The following UNC13C variants were observed in gnomAD, a reference collection of about 807,000 sequenced individuals.
UNC13C encodes unc-13 homolog C.
UNC13C carries 174 observed loss-of-function variants against 245.4 expected under a neutral mutation model. The observed-to-expected ratio is 0.71, with a 90% CI of 0.63 to 0.80. UNC13C has a LOEUF of 0.80. Ranked by LOEUF, UNC13C falls within the 30% of genes least tolerant of loss-of-function variation. The probability of loss-of-function intolerance (pLI) is 0.00; values close to 1 mark genes in which losing one functional copy is unlikely to be tolerated. For synonymous variants in UNC13C, 992 were observed against 895.1 expected (o/e 1.11, Z -1.93); for missense variants, 2,829 against 2,602.9 (o/e 1.09, Z -1.89).
At chr15:54,142,893 ACT>A in intron 2 of UNC13C, 123 bp from the exon 3 acceptor site, 1 of 848,122 alleles carries the variant, frequency 1.2e-6, no homozygotes, top group East Asian at 2.5e-5. Flanking sequence ...CAACCTTGAA[ACT>A]CTGTTTATTT....
the UNC13C span, chr15:53,948,021 C>T: frequency 4.6e-5 from 7 of 152,178 alleles, no homozygotes; most frequent in South Asian, 2.1e-4. Context: ...GATTCAGTAG[C>T]GCAATTAGGT....
intron 30 of UNC13C, among the ~76,000 whole-genome samples, chr15:54,618,700 A>G (rs1566942899): frequency 6.6e-6 from 1 of 152,176 alleles, no homozygotes; most frequent in African/African-American, 2.4e-5. Context: ...GTGGCACAAT[A>G]TAACACACAT....
chr15:54,472,921 T>G (rs1892536273), intron 19 of UNC13C, among the ~76,000 whole-genome samples: 1 of 151,908 alleles, frequency 6.6e-6, no homozygotes, highest in Admixed American at 6.6e-5. Context: ...ATGGGTATAT[T>G]GCATTATGCT....
At position 54,329,900 on chromosome 15, in the gene UNC13C, A is replaced by T. The variant is rs1027282340; in HGVS notation, c.4426-2143A>T. The stretch of plus-strand genomic sequence containing the variant: ...CATGAAACAGAAACTCATGAAATAC[A>T]TTTAACTAAATAAGATTTCCCCCTT... On this transcript the variant is annotated intron_variant, in intron 14 of 32. Transcript: ENST00000260323. Among the ~76,000 whole-genome samples the T allele has an allele frequency of 3.3e-5, 5 of 152,078 alleles. No homozygotes were observed. The South Asian group carries it at 1.0e-3, about 31-fold the overall frequency.
chr15:54,102,739 G>A (rs567219361), intron 2 of UNC13C, among the ~76,000 whole-genome samples: 18 of 152,204 alleles, frequency 1.2e-4, no homozygotes, highest in South Asian at 4.2e-4. Flanking sequence ...CTTCCTCTGC[G>A]TCTCTCTTTA....
At chr15:54,604,281 T>A (rs185501757) in intron 30 of UNC13C, among the ~76,000 whole-genome samples, 1 of 152,206 alleles carries the variant, frequency 6.6e-6, no homozygotes, top group Non-Finnish European at 1.5e-5. Context: ...TCCCACCACA[T>A]AGATGAACTA....
At chr15:54,495,255 A>C (rs1159498796) in intron 20 of UNC13C, among the ~76,000 whole-genome samples, 1 of 152,076 alleles carries the variant, frequency 6.6e-6, no homozygotes, top group African/African-American at 2.4e-5. Flanking sequence ...GTTTTATTCT[A>C]TTGATGGGGT....
At chr15:54,183,472 T>C (rs1185309295) in intron 4 of UNC13C, among the ~76,000 whole-genome samples, 1 of 151,884 alleles carries the variant, frequency 6.6e-6, no homozygotes, top group Non-Finnish European at 1.5e-5. Flanking sequence ...CTTTCATATA[T>C]ATATGATTTT....
intron 18 of UNC13C, among the ~76,000 whole-genome samples, chr15:54,414,599 AT>A (rs1207990456): frequency 6.6e-6 from 1 of 152,108 alleles, no homozygotes; most frequent in Non-Finnish European, 1.5e-5. Flanking sequence ...GTGAGCCAAA[AT>A]GGCACCATTG....
At chr15:54,605,416 C>A (rs1899714992) in intron 30 of UNC13C, among the ~76,000 whole-genome samples, 1 of 152,296 alleles carries the variant, frequency 6.6e-6, no homozygotes, top group Non-Finnish European at 1.5e-5. Context: ...GTTTACTTAT[C>A]CTTCCACAAG....
rs60975842 is a variant in UNC13C, at chr15:54,548,208, C to CTTT, written c.5820+1391_5820+1393dup. 9.9e-3 allele frequency among the ~76,000 whole-genome samples: 615 copies of CTTT among 61,880 alleles called. 181 individuals are homozygous for CTTT. The highest frequency in any genetic ancestry group is 0.017 in the Non-Finnish European group (441 of 25,512). The allele number at this position is 61,880 out of a possible 152,430, so 40.6% of individuals were successfully genotyped here. On this transcript the variant is annotated intron_variant, in intron 27 of 32. Coordinates refer to ENST00000260323, the MANE Select transcript of UNC13C (RefSeq NM_001080534.3). ...TGTTGTTGTTGTTTTGTTTCTTTTGCTTTTTTTTTTTTTTTTTTTTTTTTT... is the reference window on the plus strand; with the variant it reads ...TGTTGTTGTTGTTTTGTTTCTTTTGCTTTTTTTTTTTTTTTTTTTTTTTTTTTT...
At chr15:54,365,048 A>T (rs8024574) in intron 17 of UNC13C, among the ~76,000 whole-genome samples, 6,817 of 152,002 alleles carry the variant, frequency 0.045, 420 homozygotes, top group African/African-American at 0.14. Flanking sequence ...CAATTTTGAC[A>T]GCCTTTTTTT....
intron 25 of UNC13C, among the ~76,000 whole-genome samples, chr15:54,530,500 G>A (rs2141147066): frequency 6.6e-6 from 1 of 152,288 alleles, no homozygotes; most frequent in Admixed American, 6.5e-5. Flanking sequence ...ACATTATAGG[G>A]AGGGAAACAG....
chr15:54,631,806 C>T (rs1012003414), downstream of UNC13C: 1 of 152,144 alleles, frequency 6.6e-6, no homozygotes, highest in Non-Finnish European at 1.5e-5. Flanking sequence ...CATTCACATA[C>T]AGGATTTTGT....
chr15:54,134,467 C>G (rs1455951745), intron 2 of UNC13C, among the ~76,000 whole-genome samples: 5 of 151,670 alleles, frequency 3.3e-5, no homozygotes, highest in Admixed American at 6.6e-5. Context: ...CATATATACA[C>G]ATAACATTGT....
At chr15:54,115,651 T>A (rs2030188688) in intron 2 of UNC13C, among the ~76,000 whole-genome samples, 2 of 152,134 alleles carry the variant, frequency 1.3e-5, no homozygotes, top group South Asian at 4.1e-4. Flanking sequence ...TTCTTTAAAG[T>A]TGTATCTGCT....
chr15:54,264,328 T>C lies in UNC13C; in HGVS notation c.3609T>C (p.Phe1203=). Residue 1203 remains phenylalanine, a synonymous_variant, in exon 9 of 33, where the codon TTT becomes TTC. Transcript: ENST00000260323. ...FQISKEDFVQ[F]TKAAKQSVLD... ...TTTCTAAAGAAGATTTTGTGCAGTT[T>C]ACAAAGGCGGCCAAACAGAGTGTAC... is the stretch of plus-strand genomic sequence containing the variant. 2 of 1,607,052 alleles carry C rather than the reference T, an allele frequency of 1.2e-6. No homozygotes were observed. The highest frequency in any genetic ancestry group is 3.3e-4 in the Middle Eastern group (2 of 6,056).
chr15:53,964,916 T>G, the UNC13C span, among the ~76,000 whole-genome samples: 1 of 152,168 alleles, frequency 6.6e-6, no homozygotes, highest in East Asian at 1.9e-4. Flanking sequence ...GTACATTACA[T>G]GTATACTAAC....
At chr15:54,412,147 A>G (rs1301958280) in intron 18 of UNC13C, among the ~76,000 whole-genome samples, 2 of 152,070 alleles carry the variant, frequency 1.3e-5, no homozygotes, top group Admixed American at 1.3e-4. Flanking sequence ...TGGAGGTTGC[A>G]GTGAGCCAAG....
Sources: gnomAD v4.1 joint callset for allele counts (sites outside exome capture counted in the v4.1 genomes callset) on GRCh38, gnomAD v4.1.1 for gene constraint, MANE v1.5 for transcripts, NCBI Gene and HGNC (gene_info 2026-07-23, HGNC 2026-07-21) for gene names.